Variants in BCAT1 observed in about 807,000 individuals in gnomAD.
The protein encoded by BCAT1 is branched chain amino acid transaminase 1.
Under a neutral mutation model 52.4 loss-of-function variants are expected in BCAT1, and 48 were observed. The ratio of observed to expected loss-of-function variants is 0.92; its 90% CI spans 0.73 to 1.16. BCAT1 has a LOEUF of 1.16. Among genes scored for constraint, BCAT1 ranks in the 50% most tolerant of loss-of-function variants. The probability of loss-of-function intolerance (pLI) is 0.00; values close to 1 mark genes in which losing one functional copy is unlikely to be tolerated. For synonymous variants in BCAT1, 167 were observed against 161.3 expected, an observed-to-expected ratio of 1.04 and a Z score of -0.27; for missense variants, 451 against 457.1, an observed-to-expected ratio of 0.99 and a Z score of 0.12.
At chr12:24,823,218 A>ATTTGTTTG (rs34858948) in intron 10 of BCAT1, among the ~76,000 whole-genome samples, 1 of 150,766 alleles carries the variant, frequency 6.6e-6, no homozygotes, top group Admixed American at 6.6e-5. Context: ...TGCCCGATTA[A>ATTTGTTTG]TTTGTTTGTT....
At chr12:24,853,314 G>A (rs1388745652) in intron 5 of BCAT1, among the ~76,000 whole-genome samples, 1 of 152,124 alleles carries the variant, frequency 6.6e-6, no homozygotes, top group Non-Finnish European at 1.5e-5. Flanking sequence ...AGCTGCAGCT[G>A]GAGTCTCTCT....
intron 1 of BCAT1, among the ~76,000 whole-genome samples, chr12:24,921,196 C>T (rs1943496508): frequency 6.6e-6 from 1 of 152,116 alleles, no homozygotes; most frequent in South Asian, 2.1e-4. Context: ...TCAACTTGAC[C>T]AGCCCCACTC....
At chr12:24,937,755 A>T (rs1194696867) in intron 1 of BCAT1, among the ~76,000 whole-genome samples, 1 of 152,164 alleles carries the variant, frequency 6.6e-6, no homozygotes, top group Non-Finnish European at 1.5e-5. Context: ...GTGTCTGGGA[A>T]ACAAATGGGG....
chr12:24,937,676 T>C (rs1034773922), intron 1 of BCAT1, among the ~76,000 whole-genome samples: 3 of 152,106 alleles, frequency 2.0e-5, no homozygotes, highest in Admixed American at 1.3e-4. Flanking sequence ...TGAGTCACCA[T>C]GCCCCACCGG....
intron 1 of BCAT1, among the ~76,000 whole-genome samples, chr12:24,932,503 A>G (rs765992250): frequency 2.0e-5 from 3 of 152,206 alleles, no homozygotes; most frequent in Non-Finnish European, 4.4e-5. Flanking sequence ...ATTTCATTTT[A>G]TTCATATTGC....
At chr12:24,833,105 C>T (rs1940756165) in intron 8 of BCAT1, among the ~76,000 whole-genome samples, 1 of 152,174 alleles carries the variant, frequency 6.6e-6, no homozygotes, top group South Asian at 2.1e-4. Context: ...AAGATTATCA[C>T]CACAAGACAC....
At chr12:24,885,118 G>A (rs986263297) in intron 3 of BCAT1, among the ~76,000 whole-genome samples, 1 of 152,116 alleles carries the variant, frequency 6.6e-6, no homozygotes, top group Non-Finnish European at 1.5e-5. Flanking sequence ...TCAGCTTGGA[G>A]ATGAAAAAAT....
chr12:24,946,413 G>A (rs994052805), intron 1 of BCAT1, among the ~76,000 whole-genome samples: 1 of 152,118 alleles, frequency 6.6e-6, no homozygotes, highest in Non-Finnish European at 1.5e-5. Flanking sequence ...ACCAAATCAA[G>A]TTGCCCTGAA....
intron 5 of BCAT1, among the ~76,000 whole-genome samples, chr12:24,863,662 G>A (rs1941917216): frequency 6.6e-6 from 1 of 152,198 alleles, no homozygotes; most frequent in Admixed American, 6.5e-5. Context: ...GGGCACAGTG[G>A]CCCCCACCTT....
At chr12:24,902,155 G>A in intron 1 of BCAT1, 1 of 1,439,082 alleles carries the variant, frequency 6.9e-7, no homozygotes, top group East Asian at 2.5e-5. Context: ...TTCCAGGTCA[G>A]CCCTACAGAG....
chr12:24,918,883 T>C (rs1943459502), intron 1 of BCAT1, among the ~76,000 whole-genome samples: 1 of 152,198 alleles, frequency 6.6e-6, no homozygotes, highest in Non-Finnish European at 1.5e-5. Context: ...TGTAATAGAC[T>C]AGTTATGACA....
intron 1 of BCAT1, among the ~76,000 whole-genome samples, chr12:24,923,429 C>T (rs1396654036): frequency 6.6e-6 from 1 of 152,156 alleles, no homozygotes; most frequent in Non-Finnish European, 1.5e-5. Context: ...ATATTTTAGA[C>T]AGGGTCTCTC....
chr12:24,836,644 A>G (rs773018164), intron 7 of BCAT1, 48 bp from the exon 8 acceptor site: 4 of 1,447,312 alleles, frequency 2.8e-6, no homozygotes, highest in Admixed American at 3.8e-5. Flanking sequence ...TACATTAGGC[A>G]TGCCTTATTA....
rs1399750913 is a variant in BCAT1, at chr12:24,834,033, T to C, written c.904-1170A>G. The C allele has an allele frequency of 1.1e-5, 5 of 454,148 alleles. No individual in the cohort carries two copies. The South Asian group carries it at 4.7e-4, about 43-fold the overall frequency. 28.1% of individuals were successfully genotyped at this position (454,148 alleles called of 1,614,324 possible). ...TTTTGTAAAGATAGGGGTCTCCCTA[T>C]GTTGCCCAGGCTGGGCTCATGTGAT... On this transcript the variant is annotated intron_variant, in intron 8 of 10. Coordinates refer to ENST00000261192, the MANE Select transcript of BCAT1 (RefSeq NM_005504.7).
chr12:24,818,479 GACA>G (rs1208787894), intron 10 of BCAT1, among the ~76,000 whole-genome samples: 20 of 152,278 alleles, frequency 1.3e-4, no homozygotes, highest in African/African-American at 4.6e-4. Flanking sequence ...AGCATCACCA[GACA>G]ACAAGTTAAA....
In BCAT1 at chr12:24,881,360, A is replaced by C. The variant is rs774439042; in HGVS notation, c.331T>G (p.Phe111Val). 5 of 1,613,474 alleles carry C rather than the reference A, an allele frequency of 3.1e-6. No homozygotes were observed. The highest frequency in any genetic ancestry group is 3.4e-6 in the Non-Finnish European group (4 of 1,179,542). The part of the protein sequence containing the change: ...FRGVDNKIRL[F>V]QPNLNMDRMY... ...CTATCCATGTTGAGGTTTGGCTGAA[A>C]CAGTCGAATTTTATTATCTACTCCT... is the stretch of plus-strand genomic sequence containing the variant. The change falls in exon 4 of 11, where the codon TTT becomes GTT. Residue 111 changes from phenylalanine (F) to valine (V), a missense_variant. Coordinates refer to ENST00000261192, the MANE Select transcript of BCAT1 (RefSeq NM_005504.7).
chr12:24,891,894 G>A (rs943961068), intron 3 of BCAT1, among the ~76,000 whole-genome samples: 4 of 148,996 alleles, frequency 2.7e-5, no homozygotes, highest in South Asian at 2.2e-4. Context: ...GACTACAGGC[G>A]CCTGCCACCA....
chr12:24,867,367 A>C (rs917209109), intron 5 of BCAT1, among the ~76,000 whole-genome samples: 3 of 134,234 alleles, frequency 2.2e-5, no homozygotes, highest in African/African-American at 8.5e-5. Flanking sequence ...TACCTTTAAC[A>C]TGTTTGAGAT....
chr12:24,866,594 G>A lies in BCAT1; in HGVS notation c.510+11936C>T, dbSNP rs115532960. ...TAGTGGGGACTTGGAGAATCTTTAC[G>A]TCTGGCTAAGAGATTGTAAATACAC... On this transcript the variant is annotated intron_variant, in intron 5 of 10. Transcript: ENST00000261192. Among the ~76,000 whole-genome samples, 1,132 of 152,350 alleles carry A rather than the reference G, an allele frequency of 7.4e-3. 9 individuals are homozygous for A. Among genetic ancestry groups the A allele is most frequent in the African/African-American group, 0.026 (1,095 of 41,576 alleles).
Sources: allele counts gnomAD v4.1 joint callset (sites outside exome capture counted in the v4.1 genomes callset), GRCh38; gene constraint gnomAD v4.1.1; transcripts MANE v1.5; gene names NCBI Gene and HGNC (gene_info 2026-07-23, HGNC 2026-07-21).